The following FUT8 variants were observed in gnomAD, a reference collection of about 807,000 sequenced individuals.
FUT8 encodes the protein alpha-(1,6)-fucosyltransferase.
Under a neutral mutation model 71.3 loss-of-function variants are expected in FUT8, and 29 were observed. The observed-to-expected ratio is 0.41, with a 90% CI of 0.30 to 0.55. FUT8 has a LOEUF of 0.55. Ranked by LOEUF, FUT8 falls within the 20% of genes least tolerant of loss-of-function variation. FUT8 has a pLI of 0.34. For synonymous variants in FUT8, 254 were observed against 239.3 expected, an observed-to-expected ratio of 1.06 and a Z score of -0.57; for missense variants, 544 against 702.1, an observed-to-expected ratio of 0.77 and a Z score of 2.55.
At chr14:65,465,904 T>C (rs1314382512) in intron 2 of FUT8, among the ~76,000 whole-genome samples, 1 of 152,238 alleles carries the variant, frequency 6.6e-6, no homozygotes, top group Non-Finnish European at 1.5e-5. Flanking sequence ...TGTTTCTCCT[T>C]GTAGTTCTAT....
At chr14:65,528,445 G>C (rs138777759) in intron 2 of FUT8, among the ~76,000 whole-genome samples, 131 of 152,288 alleles carry the variant, frequency 8.6e-4, no homozygotes, top group African/African-American at 3.1e-3. Context: ...AGTGTCATCT[G>C]TCACAGCTTC....
chr14:65,372,460 A>G, the FUT8 span, among the ~76,000 whole-genome samples: 147,939 of 151,450 alleles, frequency 0.98, 72,367 homozygotes, highest in East Asian at 1. Context: ...CTGTCACCCG[A>G]GCTGGAGTGC....
chr14:65,561,243 C>A (rs1365207238), intron 2 of FUT8, 94 bp from the exon 3 acceptor site: 3 of 237,210 alleles, frequency 1.3e-5, no homozygotes, highest in Non-Finnish European at 1.7e-5. Flanking sequence ...AACTTGTTGG[C>A]CAGTCAACAC....
chr14:65,736,358 T>G (rs1165568043), intron 10 of FUT8, among the ~76,000 whole-genome samples: 3 of 151,400 alleles, frequency 2.0e-5, no homozygotes, highest in Non-Finnish European at 4.4e-5. Flanking sequence ...ATGGCTTCAT[T>G]TCAGACTGTA....
chr14:65,411,202 C>A (rs932553694), upstream of FUT8: 1 of 152,186 alleles, frequency 6.6e-6, no homozygotes, highest in African/African-American at 2.4e-5. Context: ...AATGATGACA[C>A]CCAAACTGAG....
intron 1 of FUT8, among the ~76,000 whole-genome samples, chr14:65,434,266 T>G (rs551859017): frequency 6.6e-6 from 1 of 152,308 alleles, no homozygotes; most frequent in South Asian, 2.1e-4. Context: ...TTCAGAGTAT[T>G]CTAGCTTCAT....
At chr14:65,664,889 T>C (rs1892133712) in intron 6 of FUT8, among the ~76,000 whole-genome samples, 1 of 152,098 alleles carries the variant, frequency 6.6e-6, no homozygotes, top group African/African-American at 2.4e-5. Context: ...TCAGACTGAT[T>C]TTGTTATATG....
intron 9 of FUT8, among the ~76,000 whole-genome samples, chr14:65,729,392 T>C (rs1895850406): frequency 6.6e-6 from 1 of 152,178 alleles, no homozygotes; most frequent in African/African-American, 2.4e-5. Context: ...ACCATTCTTC[T>C]AATATTAGGC....
At chr14:65,425,224 G>GGGA (rs1468167677) in intron 1 of FUT8, among the ~76,000 whole-genome samples, 1 of 150,858 alleles carries the variant, frequency 6.6e-6, no homozygotes, top group African/African-American at 2.4e-5. Context: ...GGAGTGCAAT[G>GGGA]GCACGAACTC....
At chr14:65,707,743 T>G (rs1464604285) in intron 7 of FUT8, among the ~76,000 whole-genome samples, 1 of 152,194 alleles carries the variant, frequency 6.6e-6, no homozygotes, top group East Asian at 1.9e-4. Flanking sequence ...CTTTTTGCAT[T>G]GTGTGTTGGC....
intron 2 of FUT8, chr14:65,458,239 G>A (rs1015786187): frequency 6.1e-5 from 9 of 146,486 alleles, no homozygotes; most frequent in African/African-American, 1.5e-4. Context: ...AAAACAACAT[G>A]AGAGGGTCTC....
At chr14:65,478,767 T>C (rs1431422369) in intron 2 of FUT8, among the ~76,000 whole-genome samples, 4 of 152,202 alleles carry the variant, frequency 2.6e-5, no homozygotes, top group Non-Finnish European at 4.4e-5. Flanking sequence ...ATATGTTTTC[T>C]TTGTCTTCCG....
intron 1 of FUT8, among the ~76,000 whole-genome samples, chr14:65,416,626 A>G (rs769615242): frequency 5.9e-5 from 9 of 152,156 alleles, no homozygotes; most frequent in African/African-American, 1.4e-4. Context: ...TTGTTTTTAC[A>G]TTGCAGCTTG....
chr14:65,526,479 TGA>T (rs1883478292), intron 2 of FUT8, among the ~76,000 whole-genome samples: 7 of 152,226 alleles, frequency 4.6e-5, no homozygotes. Context: ...ACAGGTCTCC[TGA>T]ATACAGCACA....
At chr14:65,507,227 G>C (rs2066749762) in intron 2 of FUT8, among the ~76,000 whole-genome samples, 1 of 152,148 alleles carries the variant, frequency 6.6e-6, no homozygotes, top group Non-Finnish European at 1.5e-5. Flanking sequence ...TTTGTTTAAA[G>C]GTAAAGATCA....
At chr14:65,729,673 C>T (rs1290275161) in intron 9 of FUT8, among the ~76,000 whole-genome samples, 17 of 152,248 alleles carry the variant, frequency 1.1e-4, no homozygotes, top group African/African-American at 3.9e-4. Context: ...TGCCACCACA[C>T]TCAGCTAGAT....
chr14:65,583,600 C>G (rs1174016038), intron 3 of FUT8, among the ~76,000 whole-genome samples: 1 of 146,012 alleles, frequency 6.8e-6, no homozygotes, highest in Non-Finnish European at 1.5e-5. Context: ...GGGCTCTAGG[C>G]AACATAAGCG....
At chr14:65,719,015 G>A (rs899238330) in intron 7 of FUT8, among the ~76,000 whole-genome samples, 4 of 152,022 alleles carry the variant, frequency 2.6e-5, no homozygotes, top group Admixed American at 6.5e-5. Flanking sequence ...TCTAGAATTC[G>A]GATGTTCTCT....
chr14:65,416,983 G>A (rs189696039), intron 1 of FUT8, among the ~76,000 whole-genome samples: 47 of 151,944 alleles, frequency 3.1e-4, no homozygotes, highest in Admixed American at 1.2e-3. Flanking sequence ...ATGAGACCTT[G>A]GTATGTTGCC....
Sources: gnomAD v4.1 joint callset for allele counts (sites outside exome capture counted in the v4.1 genomes callset) on GRCh38, gnomAD v4.1.1 for gene constraint, MANE v1.5 for transcripts, NCBI Gene and HGNC (gene_info 2026-07-23, HGNC 2026-07-21) for gene names.